The following ERVH48-1 variants were observed in gnomAD, a reference collection of about 807,000 sequenced individuals.
ERVH48-1 encodes endogenous retrovirus group 48 member 1, envelope, also known as suppressyn.
ERVH48-1 carries 4 observed loss-of-function variants against 2.4 expected under a neutral mutation model. The ratio of observed to expected loss-of-function variants is 1.68; its 90% CI spans 0.83 to 3.84. The LOEUF is 3.84. Ranked by LOEUF, ERVH48-1 falls within the 30% of genes most tolerant of loss-of-function variation. The pLI is 0.01. For missense variants in ERVH48-1, 97 were observed against 43.4 expected (o/e 2.23, Z -3.47); for synonymous variants, 32 against 15.5 (o/e 2.06, Z -2.49).
intron 1 of ERVH48-1, among the ~76,000 whole-genome samples, chr21:42,920,787 AAC>A: frequency 6.6e-6 from 1 of 152,292 alleles, no homozygotes. Context: ...GAAAAGTTTG[AAC>A]AGTGTCCACA....
chr21:42,920,724 C>G (rs186689350), intron 1 of ERVH48-1, among the ~76,000 whole-genome samples: 14 of 152,148 alleles, frequency 9.2e-5, no homozygotes, highest in African/African-American at 3.1e-4. Context: ...ATCTACAAAC[C>G]AAGTAAAGGA....
chr21:42,918,266 C>T lies in ERVH48-1; in HGVS notation c.*258G>A. 1 of 321,976 alleles carries T rather than the reference C, an allele frequency of 3.1e-6. No homozygotes were observed. Among genetic ancestry groups the T allele is most frequent in the Non-Finnish European group, 6.0e-6 (1 of 165,864 alleles). 19.9% of individuals were successfully genotyped at this position (321,976 alleles called of 1,614,324 possible). On this transcript the variant is annotated 3_prime_UTR_variant, in exon 2 of 2. Transcript: ENST00000447535. ...TACGGCGCGATGGGTTTTATCAGTCCACTTGCGGGATATGCACACCGTCCC... is the reference window on the plus strand; with the variant it reads ...TACGGCGCGATGGGTTTTATCAGTCTACTTGCGGGATATGCACACCGTCCC...
rs1198585694 is a variant in ERVH48-1, at chr21:42,922,814, C to T, written c.-286+2532G>A. Among the ~76,000 whole-genome samples the T allele has an allele frequency of 2.7e-5, 4 of 149,834 alleles. No individual in the cohort carries two copies. In the East Asian group the frequency reaches 5.9e-4, roughly 22 times the overall value. ...GGGAGCAGAAGGGTGGAGGGGGGCT[C>T]GGGATTTGGAGACCATCAGTTGTCC... On this transcript the variant is annotated intron_variant, in intron 1 of 1. Coordinates refer to ENST00000447535, the MANE Select transcript of ERVH48-1 (RefSeq NM_001308491.2).
At chr21:42,922,884 A>T (rs1242338255) in intron 1 of ERVH48-1, among the ~76,000 whole-genome samples, 1 of 152,132 alleles carries the variant, frequency 6.6e-6, no homozygotes, top group Non-Finnish European at 1.5e-5. Flanking sequence ...GTGAGTCCTG[A>T]AAAATTAGGT....
intron 1 of ERVH48-1, among the ~76,000 whole-genome samples, chr21:42,920,812 G>A (rs148953524): frequency 0.011 from 1,699 of 152,322 alleles, 13 homozygotes; most frequent in Middle Eastern, 0.02. Context: ...GAAGTGTGCA[G>A]GGTCTTGGGA....
At chr21:42,924,701 G>T (rs867405528) in intron 1 of ERVH48-1, among the ~76,000 whole-genome samples, 3 of 152,276 alleles carry the variant, frequency 2.0e-5, no homozygotes, top group South Asian at 4.1e-4. Flanking sequence ...CTCGCCTGAG[G>T]TCTAAGGTTT....
chr21:42,919,050 G>GA lies in ERVH48-1; in HGVS notation c.-45dup, dbSNP rs1255090064. 2 of 1,217,694 alleles carry GA rather than the reference G, an allele frequency of 1.6e-6. No homozygotes were observed. The highest frequency in any genetic ancestry group is 2.1e-6 in the Non-Finnish European group (2 of 952,508). 75.4% of individuals were successfully genotyped at this position (1,217,694 alleles called of 1,614,324 possible). A position where few individuals can be genotyped will look rare whatever the true frequency, so the allele number is the denominator to read the frequency against. On this transcript the variant is annotated 5_prime_UTR_variant, in exon 2 of 2. Coordinates refer to ENST00000447535, the MANE Select transcript of ERVH48-1 (RefSeq NM_001308491.2). ...AGTCTTCCTTGTGTTTTGGTTTTAA[G>GA]AAAAAAATGTTGGTTAATTTAAACT...
At chr21:42,924,345 G>A (rs1245299708) in intron 1 of ERVH48-1, among the ~76,000 whole-genome samples, 1 of 152,112 alleles carries the variant, frequency 6.6e-6, no homozygotes, top group Non-Finnish European at 1.5e-5. Context: ...TAAAGAAGAC[G>A]GTTGAGAGGA....
chr21:42,921,342 T>C (rs756456935), intron 1 of ERVH48-1, among the ~76,000 whole-genome samples: 1 of 152,050 alleles, frequency 6.6e-6, no homozygotes, highest in South Asian at 2.1e-4. Flanking sequence ...GTTTGGCTAG[T>C]AGAGCGAAGG....
At chr21:42,921,237 G>A (rs894921477) in intron 1 of ERVH48-1, among the ~76,000 whole-genome samples, 48 of 152,242 alleles carry the variant, frequency 3.2e-4, no homozygotes, top group African/African-American at 1.1e-3. Context: ...TGGGGACTGG[G>A]GTGACAGACT....
At position 42,918,616 on chromosome 21, in the gene ERVH48-1, C is replaced by G. The variant is rs780490476; in HGVS notation, c.391G>C (p.Glu131Gln). The G allele has an allele frequency of 1.2e-4, 53 of 456,470 alleles. No homozygotes were observed. The highest frequency in any genetic ancestry group is 9.0e-4 in the African/African-American group (45 of 50,046). 28.3% of individuals were successfully genotyped at this position (456,470 alleles called of 1,614,324 possible). Reference protein sequence around the residue: ...NTQVLEDIKREQIIAKAKASK... With the variant: ...NTQVLEDIKRQQIIAKAKASK... ...GCTTTGGCTTTGGCTATAATCTGTT[C>G]TCTCTTTATGTCCTCAAGCACCTGA... is the stretch of plus-strand genomic sequence containing the variant. The change falls in exon 2 of 2, where the codon GAA (glutamate) becomes CAA (glutamine). Residue 131 changes from glutamate to glutamine, a missense_variant. Transcript: ENST00000447535.
In ERVH48-1 at chr21:42,918,980, G is replaced by A. The variant is rs1355825751; in HGVS notation, c.27C>T (p.Phe9=). 3 of 998,948 alleles carry A rather than the reference G, an allele frequency of 3.0e-6. No homozygotes were observed. Among genetic ancestry groups the A allele is most frequent in the South Asian group, 2.7e-5 (2 of 75,132 alleles). 61.9% of individuals were successfully genotyped at this position (998,948 alleles called of 1,614,324 possible). A position where few individuals can be genotyped will look rare whatever the true frequency, so the allele number is the denominator to read the frequency against. Residue 9 remains phenylalanine, a synonymous_variant, in exon 2 of 2, where the codon TTC becomes TTT. Coordinates refer to ENST00000447535, the MANE Select transcript of ERVH48-1 (RefSeq NM_001308491.2). The stretch of plus-strand genomic sequence containing the variant: ...GACTTTTGGTTGGAAGAGAGGTATA[G>A]AAAGTGGTTGGGTAGATACAGGCCA... The part of the protein sequence containing the change: MACIYPTT[F]YTSLPTKSLN...
chr21:42,923,701 T>C (rs2058813369), intron 1 of ERVH48-1, among the ~76,000 whole-genome samples: 1 of 152,074 alleles, frequency 6.6e-6, no homozygotes, highest in Admixed American at 6.5e-5. Flanking sequence ...CCAGTGGGGG[T>C]CCTGGCTGGG....
intron 1 of ERVH48-1, among the ~76,000 whole-genome samples, chr21:42,922,765 AGT>A (rs1464261873): frequency 7.1e-6 from 1 of 141,548 alleles, no homozygotes; most frequent in African/African-American, 2.6e-5. Flanking sequence ...AAAAAAAAAA[AGT>A]GAGTGAAGGA....
chr21:42,921,813 G>A (rs973844253), intron 1 of ERVH48-1, among the ~76,000 whole-genome samples: 1 of 151,894 alleles, frequency 6.6e-6, no homozygotes, highest in Non-Finnish European at 1.5e-5. Context: ...GGTGGGTGTT[G>A]GGGTCTTCCC....
At chr21:42,920,312 G>A (rs2058802088) in intron 1 of ERVH48-1, among the ~76,000 whole-genome samples, 1 of 152,158 alleles carries the variant, frequency 6.6e-6, no homozygotes, top group Non-Finnish European at 1.5e-5. Context: ...GCCTTGCACG[G>A]GTTGTAGGGC....
At chr21:42,923,778 T>C (rs142430402) in intron 1 of ERVH48-1, among the ~76,000 whole-genome samples, 1,800 of 152,240 alleles carry the variant, frequency 0.012, 31 homozygotes, top group East Asian at 0.016. Flanking sequence ...GTGCCTGAGC[T>C]AGGGTCCAGA....
intron 1 of ERVH48-1, among the ~76,000 whole-genome samples, chr21:42,921,907 G>A (rs1376859222): frequency 6.6e-6 from 1 of 152,156 alleles, no homozygotes; most frequent in African/African-American, 2.4e-5. Flanking sequence ...CAGAAAAATG[G>A]GTGGTATTGG....
intron 1 of ERVH48-1, among the ~76,000 whole-genome samples, chr21:42,923,204 T>C (rs2058811836): frequency 6.6e-6 from 1 of 152,220 alleles, no homozygotes; most frequent in Admixed American, 6.5e-5. Flanking sequence ...ATTGCCACAC[T>C]TGAAACAGAC....
Sources: gnomAD v4.1 joint callset for allele counts (sites outside exome capture counted in the v4.1 genomes callset) on GRCh38, gnomAD v4.1.1 for gene constraint, MANE v1.5 for transcripts, NCBI Gene and HGNC (gene_info 2026-07-23, HGNC 2026-07-21) for gene names.